Variants in EPB41L4A observed in about 807,000 individuals in gnomAD.
EPB41L4A encodes the protein erythrocyte membrane protein band 4.1 like 4A.
EPB41L4A carries 100 observed loss-of-function variants against 108.6 expected under a neutral mutation model. That is an observed-to-expected ratio of 0.92 (90% CI 0.78 to 1.09). The LOEUF (loss-of-function observed/expected upper bound fraction) is 1.09, where lower values mean the gene tolerates loss of function less well. EPB41L4A is among the 50% of genes least tolerant of loss of function. EPB41L4A has a pLI of 0.00. For missense variants in EPB41L4A, 1,030 were observed against 842.7 expected, an observed-to-expected ratio of 1.22 and a Z score of -2.75; for synonymous variants, 319 against 289.0, an observed-to-expected ratio of 1.10 and a Z score of -1.05.
intron 12 of EPB41L4A, among the ~76,000 whole-genome samples, chr5:112,226,686 T>A (rs1161225917): frequency 6.7e-6 from 1 of 149,714 alleles, no homozygotes; most frequent in Non-Finnish European, 1.5e-5. Context: ...AGGGTAGAGA[T>A]GTTGGTGTAA....
At chr5:112,360,534 C>T (rs979546157) in intron 1 of EPB41L4A, among the ~76,000 whole-genome samples, 13 of 152,050 alleles carry the variant, frequency 8.5e-5, no homozygotes, top group African/African-American at 1.2e-4. Flanking sequence ...CTCGGCCTCC[C>T]GAGGTGCCGG....
At chr5:112,178,902 A>T (rs557572890) in intron 18 of EPB41L4A, among the ~76,000 whole-genome samples, 1 of 152,022 alleles carries the variant, frequency 6.6e-6, no homozygotes, top group African/African-American at 2.4e-5. Flanking sequence ...AAGTACAGTC[A>T]ATGAAACAGA....
intron 2 of EPB41L4A, among the ~76,000 whole-genome samples, chr5:112,306,898 T>C (rs973747377): frequency 2.6e-5 from 4 of 152,156 alleles, no homozygotes; most frequent in Admixed American, 2.6e-4. Flanking sequence ...TTTCATCAGG[T>C]TCATGAACAA....
intron 1 of EPB41L4A, among the ~76,000 whole-genome samples, chr5:112,355,463 T>C (rs1758305410): frequency 6.6e-6 from 1 of 152,176 alleles, no homozygotes; most frequent in Non-Finnish European, 1.5e-5. Flanking sequence ...AAAATGAGGT[T>C]TCACAGGCTT....
At chr5:112,146,283 C>A (rs1475474402) in intron 12 of EPB41L4A, among the ~76,000 whole-genome samples, 1 of 152,194 alleles carries the variant, frequency 6.6e-6, no homozygotes, top group South Asian at 2.1e-4. Flanking sequence ...AGAAATATAA[C>A]TCACCCATTT....
At position 112,239,736 on chromosome 5, in the gene EPB41L4A, T is replaced by C. The variant is rs1749637148; in HGVS notation, c.889A>G (p.Met297Val). The C allele has an allele frequency of 6.2e-7, 1 of 1,603,814 alleles. No individual in the cohort carries two copies. Among genetic ancestry groups the C allele is most frequent in the Non-Finnish European group, 8.5e-7 (1 of 1,173,828 alleles). The change falls in exon 11 of 23, where the codon ATG becomes GTG. Residue 297 changes from methionine (M) to valine (V), a missense_variant and splice_region_variant. Coordinates refer to ENST00000261486, the MANE Select transcript of EPB41L4A (RefSeq NM_022140.5). Reference protein sequence around the residue: ...CSVEHHTFFRMPENESNSLSR... With the variant: ...CSVEHHTFFRVPENESNSLSR... ...AGTGAATTGGATTCATTTTCTGGCATTCTAATCAATTTTTAAAAGAAAATC... is the reference window on the plus strand; with the variant it reads ...AGTGAATTGGATTCATTTTCTGGCACTCTAATCAATTTTTAAAAGAAAATC...
intron 1 of EPB41L4A, among the ~76,000 whole-genome samples, chr5:112,349,395 G>A (rs1269099284): frequency 4.6e-5 from 7 of 152,112 alleles, no homozygotes; most frequent in Non-Finnish European, 8.8e-5. Flanking sequence ...AGAGGTGAAG[G>A]GAAGGAGGTG....
In EPB41L4A at chr5:112,264,954, C is replaced by T. The variant is rs768117976; in HGVS notation, c.496G>A (p.Val166Ile). The part of the protein sequence containing the change: ...TAGYVSEYRF[V>I]PDQKEELEEA... ...TCAAGTTCTTCCTTCTGATCAGGAA[C>T]AAACCGGTACTCAGATACATATCCT... The change falls in exon 6 of 23, where the codon GTT becomes ATT. Residue 166 changes from valine to isoleucine, a missense_variant. Coordinates refer to ENST00000261486, the MANE Select transcript of EPB41L4A (RefSeq NM_022140.5). 6.2e-7 allele frequency: 1 copy of T among 1,612,114 alleles called. No homozygotes were observed.
chr5:112,400,136 G>T (rs528604941), intron 1 of EPB41L4A, among the ~76,000 whole-genome samples: 1 of 152,286 alleles, frequency 6.6e-6, no homozygotes, highest in Admixed American at 6.5e-5. Context: ...GATCATGGCC[G>T]AAGGTGAAGG....
At chr5:112,266,503 C>T (rs950195983) in intron 4 of EPB41L4A, among the ~76,000 whole-genome samples, 173 bp from the exon 5 acceptor site, 46 of 152,282 alleles carry the variant, frequency 3.0e-4, no homozygotes, top group African/African-American at 1.1e-3. Flanking sequence ...ACATACCTTA[C>T]AGAGGCAATA....
intron 1 of EPB41L4A, among the ~76,000 whole-genome samples, chr5:112,396,356 A>C (rs1761351282): frequency 6.6e-6 from 1 of 152,192 alleles, no homozygotes; most frequent in Non-Finnish European, 1.5e-5. Flanking sequence ...TCAGTTTTAG[A>C]CTATGTCATA....
intron 13 of EPB41L4A, among the ~76,000 whole-genome samples, chr5:112,144,867 A>G (rs956364664): frequency 6.6e-6 from 1 of 152,154 alleles, no homozygotes; most frequent in African/African-American, 2.4e-5. Flanking sequence ...AGGTTATAGC[A>G]CCTAGAATTG....
chr5:112,385,477 T>G (rs1760452778), intron 1 of EPB41L4A, among the ~76,000 whole-genome samples: 1 of 143,284 alleles, frequency 7.0e-6, no homozygotes, highest in African/African-American at 2.6e-5. Flanking sequence ...GTTAAGCCTC[T>G]GAACTGCCAG....
At chr5:112,313,076 GA>G in intron 1 of EPB41L4A, among the ~76,000 whole-genome samples, 1 of 152,236 alleles carries the variant, frequency 6.6e-6, no homozygotes, top group Middle Eastern at 3.4e-3. Context: ...TTACTCTCTA[GA>G]AAATGGGAAA....
At chr5:112,384,017 C>A (rs891152255) in intron 1 of EPB41L4A, among the ~76,000 whole-genome samples, 1 of 152,102 alleles carries the variant, frequency 6.6e-6, no homozygotes, top group African/African-American at 2.4e-5. Context: ...TCACAAAAGA[C>A]AACATATTAT....
intron 1 of EPB41L4A, among the ~76,000 whole-genome samples, chr5:112,328,082 G>C (rs1327450912): frequency 6.6e-6 from 1 of 152,112 alleles, no homozygotes; most frequent in Admixed American, 6.5e-5. Context: ...GGCCAAGGCA[G>C]GCAGATCACA....
intron 3 of EPB41L4A, among the ~76,000 whole-genome samples, chr5:112,278,669 A>T (rs1409620836): frequency 6.6e-6 from 1 of 152,180 alleles, no homozygotes; most frequent in Non-Finnish European, 1.5e-5. Context: ...GCTTAGGAAC[A>T]CTTTAATAAT....
chr5:112,308,221 C>T (rs1754819051), intron 1 of EPB41L4A, among the ~76,000 whole-genome samples: 2 of 152,104 alleles, frequency 1.3e-5, no homozygotes, highest in Non-Finnish European at 2.9e-5. Context: ...TGTATAGATA[C>T]AGCCTCTTCC....
chr5:112,410,138 G>A (rs1194363104), intron 1 of EPB41L4A, among the ~76,000 whole-genome samples: 1 of 152,164 alleles, frequency 6.6e-6, no homozygotes, highest in African/African-American at 2.4e-5. Flanking sequence ...AAAAGGAGGT[G>A]GGTGGGGCTT....
Sources: allele counts gnomAD v4.1 joint callset (sites outside exome capture counted in the v4.1 genomes callset), GRCh38; gene constraint gnomAD v4.1.1; transcripts MANE v1.5; gene names NCBI Gene and HGNC (gene_info 2026-07-23, HGNC 2026-07-21).